TLN2: variants seen among roughly 807,000 people sequenced by gnomAD.
TLN2 encodes the protein talin-2.
A neutral mutation model predicts 294.7 loss-of-function variants in TLN2; 118 were observed. The observed-to-expected ratio is 0.40, with a 90% CI of 0.34 to 0.47. The LOEUF is 0.47. Ranked by LOEUF, TLN2 falls within the 20% of genes least tolerant of loss-of-function variation. TLN2 has a pLI of 0.84. For synonymous variants in TLN2, 1,431 were observed against 1,304.5 expected, an observed-to-expected ratio of 1.10 and a Z score of -2.09; for missense variants, 3,083 against 3,282.2, an observed-to-expected ratio of 0.94 and a Z score of 1.48.
intron 1 of TLN2, among the ~76,000 whole-genome samples, chr15:62,531,525 T>G (rs1311290360): frequency 2.0e-5 from 3 of 152,160 alleles, no homozygotes; most frequent in Non-Finnish European, 4.4e-5. Flanking sequence ...TAAGAATGTA[T>G]TGGATGTTTC....
intron 31 of TLN2, chr15:62,740,329 C>G (rs1264192423): frequency 7.0e-6 from 2 of 283,814 alleles, no homozygotes; most frequent in African/African-American, 2.2e-5. Flanking sequence ...AGCTCGCTCA[C>G]TCTCCTCCCA....
chr15:62,796,593 C>G (rs2065496762), intron 47 of TLN2, among the ~76,000 whole-genome samples: 1 of 152,194 alleles, frequency 6.6e-6, no homozygotes, highest in African/African-American at 2.4e-5. Flanking sequence ...TGCTGGCCAA[C>G]CCCAGCAGGA....
intron 1 of TLN2, among the ~76,000 whole-genome samples, chr15:62,458,299 C>T (rs904320402): frequency 6.6e-6 from 1 of 152,094 alleles, no homozygotes; most frequent in African/African-American, 2.4e-5. Context: ...CCCTGCTGCC[C>T]GCCGCCTCTC....
chr15:62,608,209 T>C (rs921797602), intron 2 of TLN2, among the ~76,000 whole-genome samples: 3 of 152,160 alleles, frequency 2.0e-5, no homozygotes, highest in Non-Finnish European at 4.4e-5. Context: ...GGCAGCATTG[T>C]TGGAAAAGGA....
intron 1 of TLN2, among the ~76,000 whole-genome samples, chr15:62,502,130 A>AG (rs2039342039): frequency 6.6e-6 from 1 of 152,208 alleles, no homozygotes; most frequent in Admixed American, 6.5e-5. Context: ...AGGCATTGCC[A>AG]CAAGTTTCTT....
At chr15:62,522,345 C>G (rs2040502530) in intron 1 of TLN2, among the ~76,000 whole-genome samples, 1 of 152,002 alleles carries the variant, frequency 6.6e-6, no homozygotes, top group Non-Finnish European at 1.5e-5. Flanking sequence ...GGTGGTTTGA[C>G]AAACTGTACA....
At chr15:62,727,951 C>T (rs1041598077) in intron 28 of TLN2, among the ~76,000 whole-genome samples, 11 of 152,126 alleles carry the variant, frequency 7.2e-5, no homozygotes, top group Non-Finnish European at 1.5e-4. Context: ...ACACGCTTGA[C>T]TTCTTTTTGA....
In TLN2 at chr15:62,732,741, G is replaced by A. The variant is rs371211159; in HGVS notation, c.3359-4137G>A. On this transcript the variant is annotated intron_variant, in intron 28 of 58. Coordinates refer to ENST00000636159, the MANE Select transcript of TLN2 (RefSeq NM_015059.3). ...CGATTGAAGAAGCAAAAACCCAATC[G>A]TTCTTGGTGACTGGTTAGAAGTTGG... Among the ~76,000 whole-genome samples, 8 of 152,300 alleles carry A rather than the reference G, an allele frequency of 5.3e-5. No individual in the cohort carries two copies. The South Asian group carries it at 6.2e-4, about 12-fold the overall frequency.
chr15:62,809,214 C>G (rs1275325406), intron 51 of TLN2, among the ~76,000 whole-genome samples: 1 of 152,112 alleles, frequency 6.6e-6, no homozygotes, highest in African/African-American at 2.4e-5. Flanking sequence ...TGCATTTTAT[C>G]TGGTGACTCT....
intron 3 of TLN2, among the ~76,000 whole-genome samples, chr15:62,640,604 T>G (rs1254034066): frequency 6.6e-6 from 1 of 151,936 alleles, no homozygotes; most frequent in Non-Finnish European, 1.5e-5. Context: ...GGTGAGGGCT[T>G]TTTCCCTCTT....
At chr15:62,450,971 T>G (rs1216845883) in intron 1 of TLN2, among the ~76,000 whole-genome samples, 2 of 148,356 alleles carry the variant, frequency 1.3e-5, no homozygotes, top group African/African-American at 2.6e-5. Flanking sequence ...CCTGGAGTTC[T>G]CTCTCTTTTT....
At chr15:62,637,321 A>T (rs2050479536) in intron 3 of TLN2, 1 of 152,224 alleles carries the variant, frequency 6.6e-6, no homozygotes, top group African/African-American at 2.4e-5. Context: ...GTCAGAGTTC[A>T]GTTTAGAGCC....
intron 3 of TLN2, chr15:62,645,134 C>T (rs1057437967): frequency 5.2e-5 from 8 of 153,810 alleles, no homozygotes; most frequent in Admixed American, 2.6e-4. Context: ...GTCCATTTAT[C>T]TCTAGAGTTT....
At chr15:62,781,658 G>A (rs1371124146) in intron 44 of TLN2, among the ~76,000 whole-genome samples, 1 of 152,042 alleles carries the variant, frequency 6.6e-6, no homozygotes, top group African/African-American at 2.4e-5. Context: ...ATAAAATAGA[G>A]ATGAGATTAT....
chr15:62,608,088 A>C (rs2140810422), intron 2 of TLN2, among the ~76,000 whole-genome samples: 1 of 152,060 alleles, frequency 6.6e-6, no homozygotes, highest in Middle Eastern at 3.4e-3. Context: ...TTGGTCTACT[A>C]CCCCCATCCC....
At chr15:62,402,672 G>C (rs950027993) in intron 1 of TLN2, among the ~76,000 whole-genome samples, 4 of 152,118 alleles carry the variant, frequency 2.6e-5, no homozygotes, top group African/African-American at 9.7e-5. Context: ...CAAACCTCAA[G>C]GGGACTCTTG....
chr15:62,450,551 G>GTATGTA (rs1566981120), intron 1 of TLN2, among the ~76,000 whole-genome samples: 249 of 35,448 alleles, frequency 7.0e-3, no homozygotes, highest in Admixed American at 0.024. Context: ...GTATGTATGT[G>GTATGTA]TGTGTGTGTG....
chr15:62,806,220 T>C (rs2066271030), intron 51 of TLN2, among the ~76,000 whole-genome samples: 1 of 152,042 alleles, frequency 6.6e-6, no homozygotes. Context: ...ACGCTGAATA[T>C]GGCATACGCA....
intron 1 of TLN2, among the ~76,000 whole-genome samples, chr15:62,460,512 C>T (rs1020373136): frequency 3.3e-5 from 5 of 152,114 alleles, no homozygotes; most frequent in African/African-American, 4.8e-5. Context: ...ATCCACCCGC[C>T]TCGGCCTCCC....
Sources: gnomAD v4.1 joint callset for allele counts (sites outside exome capture counted in the v4.1 genomes callset) on GRCh38, gnomAD v4.1.1 for gene constraint, MANE v1.5 for transcripts, NCBI Gene and HGNC (gene_info 2026-07-23, HGNC 2026-07-21) for gene names.